The following PRKAR2B variants were observed in gnomAD, a reference collection of about 807,000 sequenced individuals.
PRKAR2B encodes the protein protein kinase cAMP-dependent type II regulatory subunit beta.
A neutral mutation model predicts 49.9 loss-of-function variants in PRKAR2B; 14 were observed. The ratio of observed to expected loss-of-function variants is 0.28; its 90% CI spans 0.19 to 0.44. The LOEUF (loss-of-function observed/expected upper bound fraction) is 0.44. Among genes scored for constraint, PRKAR2B ranks in the 20% least tolerant of loss-of-function variants. The pLI, the probability that PRKAR2B is intolerant of heterozygous loss-of-function variation, is 1.00. For synonymous variants in PRKAR2B, 196 were observed against 197.7 expected (o/e 0.99, Z 0.07); for missense variants, 393 against 537.9 (o/e 0.73, Z 2.67).
In PRKAR2B at chr7:107,124,167, C is replaced by G. The variant is rs543697225; in HGVS notation, c.396+2163C>G. On this transcript the variant is annotated intron_variant, in intron 3 of 10. Transcript: ENST00000265717. ...TATGAATTCAAAGAAAATGTAAATACTTAAGACTCATTTTGGAAAATAACA... is the reference window on the plus strand; with the variant it reads ...TATGAATTCAAAGAAAATGTAAATAGTTAAGACTCATTTTGGAAAATAACA... 5.9e-5 allele frequency among the ~76,000 whole-genome samples: 9 copies of G among 152,248 alleles called. No individual in the cohort carries two copies. In the East Asian group the frequency reaches 1.5e-3, roughly 26 times the overall value.
At chr7:107,054,492 TCA>T (rs1793872989) in intron 1 of PRKAR2B, among the ~76,000 whole-genome samples, 1 of 152,238 alleles carries the variant, frequency 6.6e-6, no homozygotes, top group Non-Finnish European at 1.5e-5. Context: ...CTGCTAAATC[TCA>T]CTCTTTTCCC....
At chr7:107,153,064 C>A (rs1796017942) in intron 7 of PRKAR2B, 113 bp from the exon 8 acceptor site, 1 of 588,908 alleles carries the variant, frequency 1.7e-6, no homozygotes, top group Non-Finnish European at 2.9e-6. Context: ...CATATACAAC[C>A]TACACACTGC....
chr7:107,076,124 G>T lies in PRKAR2B; in HGVS notation c.343+5808G>T, dbSNP rs573114318. 2.6e-5 allele frequency among the ~76,000 whole-genome samples: 4 copies of T among 152,100 alleles called. No individual in the cohort carries two copies. In the South Asian group the frequency reaches 8.3e-4, roughly 32 times the overall value. ...CAGATGTTGATATTTTGCCACATTT[G>T]CATGCTCTCTCCTCTCCATCTTTAC... On this transcript the variant is annotated intron_variant, in intron 2 of 10. Transcript: ENST00000265717.
chr7:107,091,036 A>G (rs1301825199), intron 2 of PRKAR2B, among the ~76,000 whole-genome samples: 1 of 152,092 alleles, frequency 6.6e-6, no homozygotes, highest in African/African-American at 2.4e-5. Flanking sequence ...CTGTTTTTTG[A>G]TGTTATTTTC....
At chr7:107,086,222 A>G (rs1794617870) in intron 2 of PRKAR2B, among the ~76,000 whole-genome samples, 1 of 152,050 alleles carries the variant, frequency 6.6e-6, no homozygotes, top group Non-Finnish European at 1.5e-5. Flanking sequence ...TCTGAGGTTC[A>G]ATGGCTTTGA....
rs749362017 is a variant in PRKAR2B, at chr7:107,044,950, G to A, written c.43G>A (p.Gly15Ser). ...IPAGLTELLQ[G>S]FTVEVLRHQP... is the part of the protein sequence containing the mutation. ...GGCGGGACTGACGGAGCTGCTGCAG[G>A]GCTTCACGGTGGAGGTGCTGAGGCA... Residue 15 changes from glycine (G) to serine (S), a missense_variant, in exon 1 of 11, where the codon GGC (glycine) becomes AGC (serine). Gly to Ser is a moderately conservative substitution (Grantham distance 56, BLOSUM62 0). Transcript: ENST00000265717. 1.9e-6 allele frequency: 3 copies of A among 1,598,142 alleles called. No homozygotes were observed. Among genetic ancestry groups the A allele is most frequent in the Non-Finnish European group, 2.6e-6 (3 of 1,174,702 alleles).
intron 1 of PRKAR2B, chr7:107,068,727 A>T (rs950465286): frequency 6.6e-6 from 1 of 152,192 alleles, no homozygotes; most frequent in Non-Finnish European, 1.5e-5. Flanking sequence ...AATGAAGATC[A>T]TGAAGGAAGA....
At chr7:107,094,789 C>G (rs1035062481) in intron 2 of PRKAR2B, among the ~76,000 whole-genome samples, 6 of 152,176 alleles carry the variant, frequency 3.9e-5, no homozygotes, top group African/African-American at 9.6e-5. Context: ...TCTTGTTTTT[C>G]TCAGGTTTGT....
intron 8 of PRKAR2B, among the ~76,000 whole-genome samples, chr7:107,155,837 C>T (rs950980896): frequency 3.9e-4 from 59 of 152,100 alleles, no homozygotes; most frequent in Admixed American, 3.9e-3. Flanking sequence ...TTTACAATAA[C>T]AAAGACATGG....
At chr7:107,058,206 A>G (rs1440503978) in intron 1 of PRKAR2B, among the ~76,000 whole-genome samples, 1 of 152,182 alleles carries the variant, frequency 6.6e-6, no homozygotes, top group Non-Finnish European at 1.5e-5. Context: ...AAGGTTTAGC[A>G]GGTAATTTTT....
Position 107,082,740 on chromosome 7 carries a change from C to T in PRKAR2B, c.343+12424C>T, listed in dbSNP as rs192847972. Among the ~76,000 whole-genome samples the T allele has an allele frequency of 2.1e-3, 323 of 152,138 alleles. 2 individuals are homozygous for T. The highest frequency in any genetic ancestry group is 7.4e-3 in the African/African-American group (306 of 41,488). On this transcript the variant is annotated intron_variant, in intron 2 of 10. Transcript: ENST00000265717. ...TCTTGAGTAGTTGGGACCACAGATG[C>T]GTGCCACCAAGCTCAGCTAATTTTT...
rs971052706 is a variant in PRKAR2B, at chr7:107,069,345, A to G, written c.308-936A>G. 5.9e-5 allele frequency among the ~76,000 whole-genome samples: 9 copies of G among 152,202 alleles called. No homozygotes were observed. The South Asian group carries it at 6.2e-4, about 10-fold the overall frequency. On this transcript the variant is annotated intron_variant, in intron 1 of 10. Transcript: ENST00000265717. ...GCATACATATTTTTCATGCAGTGCA[A>G]TCATACTGCTGATAAAAATTTTGTC...
intron 1 of PRKAR2B, among the ~76,000 whole-genome samples, chr7:107,065,036 C>G (rs1422132375): frequency 2.6e-5 from 4 of 152,144 alleles, no homozygotes; most frequent in Non-Finnish European, 4.4e-5. Flanking sequence ...TTATTCTGCA[C>G]TAAATATTTA....
chr7:107,158,849 G>A (rs1421700125), intron 10 of PRKAR2B, among the ~76,000 whole-genome samples: 1 of 152,062 alleles, frequency 6.6e-6, no homozygotes, highest in Non-Finnish European at 1.5e-5. Context: ...TTTATGTATA[G>A]AGTATGATCA....
chr7:107,107,109 G>A (rs1017563449), intron 2 of PRKAR2B, among the ~76,000 whole-genome samples: 14 of 152,164 alleles, frequency 9.2e-5, no homozygotes, highest in Non-Finnish European at 1.9e-4. Flanking sequence ...GGCCGAGGTG[G>A]GTGGATCACC....
chr7:107,118,438 T>C (rs1417091494), intron 2 of PRKAR2B, among the ~76,000 whole-genome samples: 1 of 142,372 alleles, frequency 7.0e-6, no homozygotes, highest in Admixed American at 7.5e-5. Flanking sequence ...TGTTTGTTCA[T>C]CAACCAGTCA....
At chr7:107,130,263 G>A (rs1169546810) in intron 4 of PRKAR2B, among the ~76,000 whole-genome samples, 1 of 152,156 alleles carries the variant, frequency 6.6e-6, no homozygotes, top group African/African-American at 2.4e-5. Context: ...ACTTTGGGAG[G>A]CCGAGGTGGG....
At position 107,098,452 on chromosome 7, in the gene PRKAR2B, G is replaced by A. The variant is rs143333413; in HGVS notation, c.344-23500G>A. Among the ~76,000 whole-genome samples the A allele has an allele frequency of 8.0e-3, 1,221 of 152,200 alleles. 15 individuals are homozygous for A. Among genetic ancestry groups the A allele is most frequent in the African/African-American group, 0.028 (1,165 of 41,510 alleles). ...TTTTTAGCTTCTTTGCAGTGGGTTC[G>A]AACATCCTCCTTTAGCTTGGAGAAG... On this transcript the variant is annotated intron_variant, in intron 2 of 10. Transcript: ENST00000265717.
intron 2 of PRKAR2B, among the ~76,000 whole-genome samples, chr7:107,072,547 T>C (rs1050249310): frequency 6.6e-6 from 1 of 152,188 alleles, no homozygotes; most frequent in African/African-American, 2.4e-5. Context: ...CTTCTCTGTA[T>C]TTTATTTGAG....
Sources: allele counts gnomAD v4.1 joint callset (sites outside exome capture counted in the v4.1 genomes callset), GRCh38; gene constraint gnomAD v4.1.1; transcripts MANE v1.5; gene names NCBI Gene and HGNC (gene_info 2026-07-23, HGNC 2026-07-21).